Variants in GLP2R observed in about 807,000 individuals in gnomAD.
GLP2R encodes glucagon-like peptide 2 receptor.
A neutral mutation model predicts 68.2 loss-of-function variants in GLP2R; 59 were observed. The observed-to-expected ratio is 0.87, with a 90% CI of 0.70 to 1.07. The LOEUF is 1.07. Ranked by LOEUF, GLP2R falls within the 50% of genes least tolerant of loss-of-function variation. GLP2R has a pLI of 0.00. For synonymous variants in GLP2R, 270 were observed against 265.4 expected (o/e 1.02, Z -0.17); for missense variants, 548 against 677.4 (o/e 0.81, Z 2.12).
At chr17:9,888,100 CA>C in intron 12 of GLP2R, 127 bp downstream of exon 12, 1 of 789,884 alleles carries the variant, frequency 1.3e-6, no homozygotes, top group Non-Finnish European at 2.3e-6. Flanking sequence ...TGTGTGGGGA[CA>C]AATTTGTATT....
chr17:9,885,445 T>G (rs1355048261), intron 11 of GLP2R, among the ~76,000 whole-genome samples: 3 of 152,040 alleles, frequency 2.0e-5, no homozygotes, highest in African/African-American at 7.2e-5. Flanking sequence ...CGGCTGGGGC[T>G]GCAAACGTCT....
At chr17:9,840,778 G>A (rs771162374) in intron 3 of GLP2R, among the ~76,000 whole-genome samples, 2 of 152,186 alleles carry the variant, frequency 1.3e-5, no homozygotes, top group African/African-American at 4.8e-5. Flanking sequence ...AAAGGTTTTA[G>A]AGGGAGGGTG....
At chr17:9,838,942 G>A (rs1002477607) in intron 3 of GLP2R, among the ~76,000 whole-genome samples, 3 of 152,204 alleles carry the variant, frequency 2.0e-5, no homozygotes, top group African/African-American at 7.2e-5. Flanking sequence ...GAACCCGGGA[G>A]GCGGAGCCTG....
Position 9,857,425 on chromosome 17 carries a change from A to G in GLP2R, c.614A>G (p.Lys205Arg), listed in dbSNP as rs376976670. 43 of 1,613,952 alleles carry G rather than the reference A, an allele frequency of 2.7e-5. No homozygotes were observed. The Middle Eastern group carries it at 4.9e-4, about 19-fold the overall frequency. The change falls in exon 6 of 13, where the codon AAA becomes AGA. Residue 205 changes from lysine (K) to arginine (R), a missense_variant and splice_region_variant. Coordinates refer to ENST00000262441, the MANE Select transcript of GLP2R (RefSeq NM_004246.3). ...LALTLLLFLRKLHCTRNYIHM... is the reference protein window; with the variant it reads ...LALTLLLFLRRLHCTRNYIHM... Reference sequence around the variant, plus strand: ...CATTTGGTTTTCTCCTCGCACAGAAAACTCCACTGCACGCGCAACTACATC... The same window carrying G: ...CATTTGGTTTTCTCCTCGCACAGAAGACTCCACTGCACGCGCAACTACATC...
At chr17:9,842,449 G>C (rs773505312) in intron 3 of GLP2R, 46 bp from the exon 4 acceptor site, 2 of 1,612,078 alleles carry the variant, frequency 1.2e-6, no homozygotes, top group Non-Finnish European at 1.7e-6. Flanking sequence ...TCAGGGGAAC[G>C]GGCTGTGTGT....
chr17:9,840,791 C>T (rs1410147653), intron 3 of GLP2R, among the ~76,000 whole-genome samples: 7 of 152,148 alleles, frequency 4.6e-5, no homozygotes, highest in Non-Finnish European at 1.0e-4. Flanking sequence ...GGAGGGTGTT[C>T]AGGAGGGAAG....
At chr17:9,836,237 C>G (rs118078454) in intron 2 of GLP2R, 134 bp from the exon 3 acceptor site, 107 of 650,690 alleles carry the variant, frequency 1.6e-4, no homozygotes, top group Non-Finnish European at 2.9e-4. Flanking sequence ...GAGTGGGGCA[C>G]CCATGCTGGT....
chr17:9,847,396 A>C (rs2066849728), intron 4 of GLP2R, among the ~76,000 whole-genome samples: 1 of 151,910 alleles, frequency 6.6e-6, no homozygotes, highest in African/African-American at 2.4e-5. Context: ...CAGCCTCCAG[A>C]GTAGCTGGGA....
Position 9,842,635 on chromosome 17 carries a change from G to C in GLP2R, c.504+19G>C, listed in dbSNP as rs779302260. On this transcript the variant is annotated intron_variant, in intron 4 of 12. Coordinates refer to ENST00000262441, the MANE Select transcript of GLP2R (RefSeq NM_004246.3). ...GCAAAACGTGAGTTTGCTCAGCTCA[G>C]TGAGGAGGCATCCAGGGTCCAAACC... 5 of 1,612,544 alleles carry C rather than the reference G, an allele frequency of 3.1e-6. No homozygotes were observed. In the African/African-American group the frequency reaches 6.7e-5, roughly 22 times the overall value.
chr17:9,876,659 G>A (rs972641638), intron 10 of GLP2R, among the ~76,000 whole-genome samples: 7 of 152,150 alleles, frequency 4.6e-5, no homozygotes, highest in Non-Finnish European at 8.8e-5. Flanking sequence ...GGAGAAGGGC[G>A]GGAGGTTAGA....
rs138994764 is a variant in GLP2R, at chr17:9,843,651, G to A, written c.504+1035G>A. Reference sequence around the variant, plus strand: ...GAATCCTTCTGCACCATACTTTCTCGTTGGACTCTTGCTCTTCTCCCTGAG... The same window carrying A: ...GAATCCTTCTGCACCATACTTTCTCATTGGACTCTTGCTCTTCTCCCTGAG... On this transcript the variant is annotated intron_variant, in intron 4 of 12. Coordinates refer to ENST00000262441, the MANE Select transcript of GLP2R (RefSeq NM_004246.3). Among the ~76,000 whole-genome samples, 340 of 152,250 alleles carry A rather than the reference G, an allele frequency of 2.2e-3. 3 individuals carry two copies. Among genetic ancestry groups the A allele is most frequent in the African/African-American group, 7.2e-3 (299 of 41,532 alleles).
chr17:9,870,667 G>C lies in GLP2R; in HGVS notation c.1057-80G>C, dbSNP rs2293103. On this transcript the variant is annotated intron_variant, in intron 9 of 12. Transcript: ENST00000262441. ...TTACATTGAACTGATGGAACTGATG[G>C]CCGAGCCCAGCCTGACCTTGAAGTT... The C allele has an allele frequency of 7.2e-3, 5,455 of 756,906 alleles. 159 individuals are homozygous for C. Among genetic ancestry groups the C allele is most frequent in the East Asian group, 0.07 (2,838 of 40,762 alleles). 46.9% of individuals were successfully genotyped at this position (756,906 alleles called of 1,614,324 possible). A position where few individuals can be genotyped will look rare whatever the true frequency, so the allele number is the denominator to read the frequency against.
chr17:9,857,614 C>T (rs779871852), intron 6 of GLP2R, 38 bp downstream of exon 6: 6 of 1,600,944 alleles, frequency 3.7e-6, no homozygotes, highest in Non-Finnish European at 5.1e-6. Context: ...GGACTCCCCA[C>T]CTGATGGGTC....
chr17:9,842,800 A>G (rs565245836), intron 4 of GLP2R, among the ~76,000 whole-genome samples, 184 bp downstream of exon 4: 1 of 152,326 alleles, frequency 6.6e-6, no homozygotes, highest in East Asian at 1.9e-4. Flanking sequence ...TTCTTCCACT[A>G]CTAGGCTGAC....
chr17:9,872,016 C>T (rs12942955), intron 10 of GLP2R, among the ~76,000 whole-genome samples: 23,337 of 152,228 alleles, frequency 0.15, 2,482 homozygotes, highest in East Asian at 0.49. Context: ...AGCCACCACA[C>T]GTGGCCTATT....
intron 1 of GLP2R, among the ~76,000 whole-genome samples, chr17:9,833,254 C>T (rs1002797438): frequency 6.6e-6 from 1 of 150,382 alleles, no homozygotes; most frequent in African/African-American, 2.5e-5. Context: ...CAGATTAAGA[C>T]TCTGTCTTAA....
chr17:9,831,254 G>A (rs571140793), intron 1 of GLP2R, among the ~76,000 whole-genome samples: 68 of 152,292 alleles, frequency 4.5e-4, no homozygotes, highest in African/African-American at 6.0e-4. Flanking sequence ...GGTGATATTA[G>A]CCCAGATCAT....
In GLP2R at chr17:9,854,583, C is replaced by T. The variant is rs559472047; in HGVS notation, c.593C>T (p.Thr198Ile). The T allele has an allele frequency of 1.8e-4, 296 of 1,602,302 alleles. 3 individuals carry two copies. In the South Asian group the frequency reaches 2.9e-3, roughly 16 times the overall value. The change falls in exon 5 of 13, where the codon ACC (threonine) becomes ATC (isoleucine). Residue 198 changes from threonine to isoleucine, a missense_variant. Coordinates refer to ENST00000262441, the MANE Select transcript of GLP2R (RefSeq NM_004246.3). ...FSLISLFLAL[T>I]LLLFLRKLHC... ...CTTATCTCCCTCTTCCTGGCTCTCA[C>T]CCTCCTCTTGTTTCTTCGGTGAGTA...
At chr17:9,866,486 C>T (rs911811138) in intron 9 of GLP2R, 4 of 153,570 alleles carry the variant, frequency 2.6e-5, no homozygotes, top group African/African-American at 7.2e-5. Flanking sequence ...AGAGTGCCAA[C>T]ATTGAAAAAC....
Sources: allele counts gnomAD v4.1 joint callset (sites outside exome capture counted in the v4.1 genomes callset), GRCh38; gene constraint gnomAD v4.1.1; transcripts MANE v1.5; gene names NCBI Gene and HGNC (gene_info 2026-07-23, HGNC 2026-07-21).